KCNMA1: variants seen among roughly 807,000 people sequenced by gnomAD.
KCNMA1 encodes the protein Calcium-activated potassium channel subunit alpha-1.
A neutral mutation model predicts 140.0 loss-of-function variants in KCNMA1; 29 were observed. The ratio of observed to expected loss-of-function variants is 0.21; its 90% CI spans 0.15 to 0.28. KCNMA1 has a LOEUF of 0.28. Ranked by LOEUF, KCNMA1 falls within the 10% of genes least tolerant of loss-of-function variation. The pLI, the probability that KCNMA1 is intolerant of heterozygous loss-of-function variation, is 1.00. For synonymous variants in KCNMA1, 612 were observed against 611.9 expected (o/e 1.00, Z 0.00); for missense variants, 880 against 1,602.2 (o/e 0.55, Z 7.70).
At chr10:77,072,584 G>C (rs1451197080) in intron 14 of KCNMA1, among the ~76,000 whole-genome samples, 2 of 152,038 alleles carry the variant, frequency 1.3e-5, no homozygotes, top group Non-Finnish European at 2.9e-5. Context: ...ACATTGTTTC[G>C]CTCTCCATTC....
intron 3 of KCNMA1, among the ~76,000 whole-genome samples, chr10:77,192,836 C>T (rs114838678): frequency 0.02 from 3,068 of 152,144 alleles, 107 homozygotes; most frequent in African/African-American, 0.071. Flanking sequence ...TCCAAATGCC[C>T]AACAGGCTGT....
chr10:76,974,430 T>C (rs1183435892), intron 19 of KCNMA1: 12 of 1,000,420 alleles, frequency 1.2e-5, no homozygotes, highest in Non-Finnish European at 3.1e-6. Context: ...TAAAGTAGAA[T>C]GTTGAGGGCT....
intron 5 of KCNMA1, among the ~76,000 whole-genome samples, chr10:77,155,490 C>A (rs945710975): frequency 2.6e-5 from 4 of 152,090 alleles, no homozygotes; most frequent in Non-Finnish European, 4.4e-5. Context: ...GATGGAGCCG[C>A]GGTTGAAATT....
chr10:77,107,831 G>A (rs1169297177), intron 9 of KCNMA1, among the ~76,000 whole-genome samples: 1 of 152,242 alleles, frequency 6.6e-6, no homozygotes, highest in Non-Finnish European at 1.5e-5. Flanking sequence ...TGGGTTCCCA[G>A]TGGCCGCAGT....
rs561251551 is a variant in KCNMA1 at position 77,180,100 on chromosome 10, T to A, written c.808+3321A>T. Among the ~76,000 whole-genome samples, 6 of 152,302 alleles carry A rather than the reference T, an allele frequency of 3.9e-5. No homozygotes were observed. In the East Asian group the frequency reaches 1.2e-3, roughly 29 times the overall value. ...CCAGCTACCGCACAGTCCTGTACCC[T>A]CAGCAGGGCCAGGAAAGTTTGTGCA... is the stretch of plus-strand genomic sequence containing the variant. On this transcript the variant is annotated intron_variant, in intron 5 of 27. Transcript: ENST00000286628.
At chr10:77,028,886 G>C (rs1442795006) in intron 15 of KCNMA1, among the ~76,000 whole-genome samples, 1 of 152,056 alleles carries the variant, frequency 6.6e-6, no homozygotes, top group African/African-American at 2.4e-5. Context: ...GCAGTAAAAT[G>C]TTTATGCTTA....
intron 19 of KCNMA1, among the ~76,000 whole-genome samples, chr10:76,991,690 C>T (rs2082816666): frequency 1.3e-5 from 2 of 152,092 alleles, no homozygotes; most frequent in Non-Finnish European, 2.9e-5. Flanking sequence ...ATTTCCTATT[C>T]AAGTACTCTT....
At chr10:77,481,117 C>CAA (rs200776955) in intron 1 of KCNMA1, among the ~76,000 whole-genome samples, 1 of 132,148 alleles carries the variant, frequency 7.6e-6, no homozygotes, top group African/African-American at 2.8e-5. Context: ...GACTCCATCT[C>CAA]AAAAAAAAAA....
chr10:77,389,965 GC>G (rs2095755813), intron 2 of KCNMA1, among the ~76,000 whole-genome samples: 1 of 152,160 alleles, frequency 6.6e-6, no homozygotes, highest in Non-Finnish European at 1.5e-5. Context: ...TCTGCTTCAC[GC>G]CAATCACTCT....
chr10:77,344,954 C>A (rs2091857640), intron 2 of KCNMA1, among the ~76,000 whole-genome samples: 1 of 152,042 alleles, frequency 6.6e-6, no homozygotes, highest in South Asian at 2.1e-4. Flanking sequence ...ATGTGTTAGT[C>A]TTCATAACAA....
intron 2 of KCNMA1, among the ~76,000 whole-genome samples, chr10:77,283,596 T>G (rs1197627838): frequency 6.6e-6 from 1 of 152,172 alleles, no homozygotes; most frequent in African/African-American, 2.4e-5. Flanking sequence ...GTCTCTGAAT[T>G]TGATGAGGTG....
intron 2 of KCNMA1, among the ~76,000 whole-genome samples, chr10:77,341,963 G>T (rs1739243251): frequency 6.6e-6 from 1 of 152,120 alleles, no homozygotes; most frequent in African/African-American, 2.4e-5. Context: ...GACCCCTCTG[G>T]CTCCACAGCA....
At chr10:77,456,001 C>A in intron 1 of KCNMA1, among the ~76,000 whole-genome samples, 1 of 152,248 alleles carries the variant, frequency 6.6e-6, no homozygotes, top group East Asian at 1.9e-4. Flanking sequence ...GATCTGCCAT[C>A]CTCCTGGCAT....
At chr10:76,971,978 T>G (rs903681227) in intron 19 of KCNMA1, among the ~76,000 whole-genome samples, 10 of 151,306 alleles carry the variant, frequency 6.6e-5, no homozygotes, top group African/African-American at 2.4e-5. Flanking sequence ...TGTGTGGGTG[T>G]GTGTGTGTGT....
chr10:77,370,050 C>T (rs535842242), intron 2 of KCNMA1, among the ~76,000 whole-genome samples: 3 of 152,084 alleles, frequency 2.0e-5, no homozygotes, highest in Non-Finnish European at 2.9e-5. Context: ...TGACATATTG[C>T]CCCCCAAAAT....
intron 1 of KCNMA1, among the ~76,000 whole-genome samples, chr10:77,535,680 T>C (rs1182820328): frequency 1.3e-5 from 2 of 152,194 alleles, no homozygotes; most frequent in Non-Finnish European, 2.9e-5. Context: ...GAAAATGTGG[T>C]ACATATACAC....
intron 14 of KCNMA1, among the ~76,000 whole-genome samples, chr10:77,056,078 A>G (rs1359258979): frequency 6.6e-6 from 1 of 152,188 alleles, no homozygotes; most frequent in Non-Finnish European, 1.5e-5. Flanking sequence ...AAGAACCTGT[A>G]GCCTAAAATC....
At chr10:76,999,996 C>T (rs1211803289) in intron 19 of KCNMA1, among the ~76,000 whole-genome samples, 4 of 152,306 alleles carry the variant, frequency 2.6e-5, no homozygotes, top group Admixed American at 6.5e-5. Flanking sequence ...TGGATCCCGG[C>T]TACACAGCCG....
intron 5 of KCNMA1, among the ~76,000 whole-genome samples, chr10:77,144,906 G>A (rs1447278147): frequency 2.6e-5 from 4 of 152,088 alleles, no homozygotes; most frequent in African/African-American, 9.7e-5. Flanking sequence ...TCCGAAATAG[G>A]GATTATGACA....
Sources: gnomAD v4.1 joint callset for allele counts (sites outside exome capture counted in the v4.1 genomes callset) on GRCh38, gnomAD v4.1.1 for gene constraint, MANE v1.5 for transcripts, NCBI Gene and HGNC (gene_info 2026-07-23, HGNC 2026-07-21) for gene names.